Variants in TBCE observed in about 807,000 individuals in gnomAD.
TBCE encodes the protein tubulin-specific chaperone E.
A neutral mutation model predicts 77.0 loss-of-function variants in TBCE; 53 were observed. That is an observed-to-expected ratio of 0.69 (90% CI 0.55 to 0.87). The LOEUF (loss-of-function observed/expected upper bound fraction) is 0.87. TBCE is among the 40% of genes least tolerant of loss of function. The pLI, the probability that TBCE is intolerant of heterozygous loss-of-function variation, is 0.00. For missense variants in TBCE, 624 were observed against 622.4 expected (o/e 1.00, Z -0.03); for synonymous variants, 235 against 241.3 (o/e 0.97, Z 0.24).
At chr1:235,382,385 GCC>G in intron 2 of TBCE, among the ~76,000 whole-genome samples, 1 of 152,242 alleles carries the variant, frequency 6.6e-6, no homozygotes, top group Non-Finnish European at 1.5e-5. Context: ...CCAAGGAATC[GCC>G]ACACTGACTT....
At chr1:235,381,964 C>G (rs1376256081) in intron 2 of TBCE, among the ~76,000 whole-genome samples, 3 of 92,666 alleles carry the variant, frequency 3.2e-5, no homozygotes, top group Non-Finnish European at 6.0e-5. Flanking sequence ...TCCCTCCCCC[C>G]TCCCCCCACC....
At position 235,430,688 on chromosome 1, in the gene TBCE, C is replaced by A. The variant is rs1290548208; in HGVS notation, c.561-17C>A. 2 of 1,571,920 alleles carry A rather than the reference C, an allele frequency of 1.3e-6. No homozygotes were observed. The highest frequency in any genetic ancestry group is 1.7e-5 in the Admixed American group (1 of 59,288). ...CTGTATAGAAATAAGTACATTGTAT[C>A]TTTTTTTTCTACACAGTGAAAATAA... On this transcript the variant is annotated splice_polypyrimidine_tract_variant and intron_variant, in intron 6 of 16. Coordinates refer to ENST00000642610, the MANE Select transcript of TBCE (RefSeq NM_003193.5).
At chr1:235,375,716 GA>G (rs1677250450) in intron 1 of TBCE, among the ~76,000 whole-genome samples, 2 of 152,040 alleles carry the variant, frequency 1.3e-5, no homozygotes, top group Admixed American at 6.6e-5. Flanking sequence ...GACATTATTA[GA>G]AACGTTCAGA....
chr1:235,402,032 G>GCTTC (rs1394578806), intron 3 of TBCE, among the ~76,000 whole-genome samples: 2 of 151,154 alleles, frequency 1.3e-5, no homozygotes, highest in African/African-American at 4.9e-5. Flanking sequence ...TCTTATCATA[G>GCTTC]GAAGAGTTAC....
Position 235,428,790 on chromosome 1 carries a change from C to T in TBCE, c.560+1551C>T, listed in dbSNP as rs187735505. ...TCCTGAGTAGCTGGGACTACAGGCACGAGCCACCACGCCCAACTAATTTTT... is the reference window on the plus strand; with the variant it reads ...TCCTGAGTAGCTGGGACTACAGGCATGAGCCACCACGCCCAACTAATTTTT... On this transcript the variant is annotated intron_variant, in intron 6 of 16. Transcript: ENST00000642610. Among the ~76,000 whole-genome samples the T allele has an allele frequency of 8.3e-4, 125 of 150,636 alleles. 1 individual carries two copies. The highest frequency in any genetic ancestry group is 3.0e-3 in the African/African-American group (124 of 41,082).
intron 3 of TBCE, among the ~76,000 whole-genome samples, chr1:235,407,742 G>A (rs909981408): frequency 2.0e-5 from 3 of 152,108 alleles, no homozygotes; most frequent in Non-Finnish European, 4.4e-5. Flanking sequence ...ATTTATGGCC[G>A]TGCGCCAGTC....
chr1:235,420,751 A>C (rs992964724), intron 5 of TBCE, among the ~76,000 whole-genome samples: 7 of 151,974 alleles, frequency 4.6e-5, no homozygotes, highest in Admixed American at 2.6e-4. Context: ...AGAGTGCTGG[A>C]ATTACAGGCG....
At chr1:235,378,797 G>A (rs1401027866) in intron 1 of TBCE, among the ~76,000 whole-genome samples, 1 of 152,168 alleles carries the variant, frequency 6.6e-6, no homozygotes, top group Non-Finnish European at 1.5e-5. Context: ...GCAGGCAGAG[G>A]TTGCAGTTAG....
At chr1:235,396,840 T>TC (rs1216255629) in intron 2 of TBCE, among the ~76,000 whole-genome samples, 1 of 152,184 alleles carries the variant, frequency 6.6e-6, no homozygotes, top group East Asian at 1.9e-4. Context: ...TAGATGTTTT[T>TC]CCCATTGAAT....
At chr1:235,401,381 C>A (rs1679091030) in intron 2 of TBCE, 122 bp from the exon 3 acceptor site, 1 of 798,684 alleles carries the variant, frequency 1.3e-6, no homozygotes, top group Non-Finnish European at 2.2e-6. Flanking sequence ...TGTCCATTCC[C>A]TCCTCCCCAA....
At chr1:235,424,771 C>G (rs1680611428) in intron 5 of TBCE, among the ~76,000 whole-genome samples, 1 of 152,080 alleles carries the variant, frequency 6.6e-6, no homozygotes, top group South Asian at 2.1e-4. Flanking sequence ...ACCCAACGTG[C>G]TGGGATTATA....
chr1:235,443,254 T>A (rs1411924804), intron 15 of TBCE, among the ~76,000 whole-genome samples: 1 of 152,050 alleles, frequency 6.6e-6, no homozygotes, highest in Non-Finnish European at 1.5e-5. Context: ...CAGGTTGGAA[T>A]GCAGTGGCAC....
chr1:235,440,125 C>T (rs575674857), intron 13 of TBCE, among the ~76,000 whole-genome samples: 43 of 152,300 alleles, frequency 2.8e-4, no homozygotes, highest in African/African-American at 8.9e-4. Flanking sequence ...CGCCCACCAC[C>T]ACACCCGGCT....
At chr1:235,383,873 G>T (rs1235610878) in intron 2 of TBCE, among the ~76,000 whole-genome samples, 2 of 151,936 alleles carry the variant, frequency 1.3e-5, no homozygotes, top group Non-Finnish European at 2.9e-5. Flanking sequence ...AGTGGTGAGA[G>T]AGGGCATCCC....
chr1:235,424,932 C>T lies in TBCE; in HGVS notation c.461-2208C>T, dbSNP rs573368677. 2.6e-5 allele frequency among the ~76,000 whole-genome samples: 4 copies of T among 152,270 alleles called. No individual in the cohort carries two copies. In the South Asian group the frequency reaches 6.2e-4, roughly 24 times the overall value. ...CTGGGATTACAGGCGTGAGCCGCCG[C>T]GCCTGGCCTGGATCTTGGAGCTCTT... On this transcript the variant is annotated intron_variant, in intron 5 of 16. Coordinates refer to ENST00000642610, the MANE Select transcript of TBCE (RefSeq NM_003193.5).
chr1:235,369,040 C>G (rs6666434), intron 1 of TBCE, among the ~76,000 whole-genome samples: 27,520 of 152,092 alleles, frequency 0.18, 2,935 homozygotes, highest in African/African-American at 0.29. Flanking sequence ...CTCTTGTTAT[C>G]ACCTTCACTT....
chr1:235,390,155 A>G (rs556385392), intron 2 of TBCE, among the ~76,000 whole-genome samples: 35 of 152,128 alleles, frequency 2.3e-4, no homozygotes, highest in East Asian at 5.8e-4. Context: ...AAGAAATGCA[A>G]TTGTACTAAT....
intron 3 of TBCE, among the ~76,000 whole-genome samples, chr1:235,403,979 C>T (rs980298195): frequency 3.3e-5 from 5 of 151,934 alleles, no homozygotes; most frequent in African/African-American, 1.2e-4. Context: ...AGAAAAGGTA[C>T]AGTAAAAATA....
chr1:235,395,158 A>G (rs1356696067), intron 2 of TBCE, among the ~76,000 whole-genome samples: 2 of 152,162 alleles, frequency 1.3e-5, no homozygotes, highest in Non-Finnish European at 2.9e-5. Context: ...GTGGACATAA[A>G]TTTTCAACTT....
Sources: gnomAD v4.1 joint callset for allele counts (sites outside exome capture counted in the v4.1 genomes callset) on GRCh38, gnomAD v4.1.1 for gene constraint, MANE v1.5 for transcripts, NCBI Gene and HGNC (gene_info 2026-07-23, HGNC 2026-07-21) for gene names.